Variants in EPSTI1 observed in about 807,000 individuals in gnomAD.
EPSTI1 encodes epithelial-stromal interaction protein 1.
Under a neutral mutation model 49.9 loss-of-function variants are expected in EPSTI1, and 66 were observed. The observed-to-expected ratio is 1.32, with a 90% CI of 1.08 to 1.62. The LOEUF (loss-of-function observed/expected upper bound fraction) is 1.62, where lower values mean the gene tolerates loss of function less well. Among genes scored for constraint, EPSTI1 ranks in the 40% most tolerant of loss-of-function variants. The pLI is 0.00. For synonymous variants in EPSTI1, 137 were observed against 130.7 expected (o/e 1.05, Z -0.33); for missense variants, 394 against 365.5 (o/e 1.08, Z -0.64).
intron 8 of EPSTI1, among the ~76,000 whole-genome samples, chr13:42,908,484 G>GAAAAA (rs140923122): frequency 8.8e-6 from 1 of 113,348 alleles, no homozygotes; most frequent in Non-Finnish European, 1.7e-5. Context: ...ACTCTGTTAT[G>GAAAAA]AAAAAAAAAA....
intron 3 of EPSTI1, among the ~76,000 whole-genome samples, chr13:42,967,564 G>C (rs1385346562): frequency 6.6e-6 from 1 of 152,136 alleles, no homozygotes; most frequent in Admixed American, 6.5e-5. Flanking sequence ...CCATCTAAAG[G>C]GACTTGCCTA....
At chr13:42,980,938 T>A (rs2039976357) in intron 1 of EPSTI1, among the ~76,000 whole-genome samples, 1 of 152,184 alleles carries the variant, frequency 6.6e-6, no homozygotes, top group South Asian at 2.1e-4. Context: ...AATATAAAGA[T>A]TTCTTATAGC....
intron 1 of EPSTI1, among the ~76,000 whole-genome samples, 198 bp from the exon 2 acceptor site, chr13:42,970,868 T>A (rs2039750359): frequency 6.6e-6 from 1 of 152,212 alleles, no homozygotes; most frequent in Non-Finnish European, 1.5e-5. Context: ...ACAAAGGACA[T>A]GGCCAAATAT....
chr13:42,901,832 T>C (rs1365576987), intron 8 of EPSTI1, among the ~76,000 whole-genome samples: 1 of 152,140 alleles, frequency 6.6e-6, no homozygotes, highest in African/African-American at 2.4e-5. Context: ...TAGTTACATA[T>C]GTATACATGT....
intron 9 of EPSTI1, among the ~76,000 whole-genome samples, chr13:42,898,236 A>G (rs535669619): frequency 6.6e-6 from 1 of 152,346 alleles, no homozygotes; most frequent in Admixed American, 6.5e-5. Context: ...TGTCCTTTTG[A>G]TGCCAATAAA....
chr13:42,950,200 T>C (rs1470024861), intron 6 of EPSTI1, among the ~76,000 whole-genome samples: 1 of 152,234 alleles, frequency 6.6e-6, no homozygotes, highest in African/African-American at 2.4e-5. Flanking sequence ...TAATGCACCA[T>C]TAATCTGTTC....
intron 6 of EPSTI1, among the ~76,000 whole-genome samples, chr13:42,949,929 T>C (rs2039045858): frequency 6.6e-6 from 1 of 151,950 alleles, no homozygotes; most frequent in South Asian, 2.1e-4. Flanking sequence ...TTAAACAACC[T>C]AAATCATAAA....
chr13:42,916,315 C>T (rs1386479685), intron 8 of EPSTI1, among the ~76,000 whole-genome samples: 3 of 150,606 alleles, frequency 2.0e-5, no homozygotes, highest in Admixed American at 6.6e-5. Context: ...TTTCATGATT[C>T]GTCTTTCTTA....
intron 1 of EPSTI1, among the ~76,000 whole-genome samples, chr13:42,983,073 C>T (rs2040013836): frequency 1.3e-5 from 2 of 152,260 alleles, no homozygotes; most frequent in African/African-American, 2.4e-5. Context: ...GCTCCTATGT[C>T]CTATAAAACT....
At chr13:42,938,241 A>G (rs972842566) in intron 6 of EPSTI1, among the ~76,000 whole-genome samples, 4 of 152,126 alleles carry the variant, frequency 2.6e-5, no homozygotes, top group African/African-American at 7.2e-5. Flanking sequence ...GAAATATACA[A>G]GGAGATTAGT....
intron 1 of EPSTI1, among the ~76,000 whole-genome samples, chr13:42,980,525 A>G (rs1385348512): frequency 6.6e-6 from 1 of 152,216 alleles, no homozygotes; most frequent in Non-Finnish European, 1.5e-5. Context: ...ACTGCCCTTT[A>G]TAAAACCATC....
At chr13:42,949,843 T>C (rs1349430240) in intron 6 of EPSTI1, among the ~76,000 whole-genome samples, 2 of 152,070 alleles carry the variant, frequency 1.3e-5, no homozygotes, top group East Asian at 1.9e-4. Context: ...ATTGGAAAGA[T>C]GACTACACCC....
At chr13:42,919,228 A>C in intron 7 of EPSTI1, 1 of 1,454,894 alleles carries the variant, frequency 6.9e-7, no homozygotes, top group Non-Finnish European at 9.6e-7. Context: ...AAAGGTCCAC[A>C]GAAACTGGGA....
At chr13:42,969,348 T>C in intron 2 of EPSTI1, 171 bp from the exon 3 acceptor site, 1 of 653,952 alleles carries the variant, frequency 1.5e-6, no homozygotes, top group South Asian at 2.0e-5. Flanking sequence ...GTACAGGTCA[T>C]CCTGGGCCCG....
intron 5 of EPSTI1, among the ~76,000 whole-genome samples, chr13:42,959,204 C>T (rs571549871): frequency 1.5e-4 from 23 of 152,190 alleles, no homozygotes; most frequent in African/African-American, 5.5e-4. Flanking sequence ...GAAAAGCTAT[C>T]AGCCTACACT....
At chr13:42,916,182 C>T (rs1185385775) in intron 8 of EPSTI1, among the ~76,000 whole-genome samples, 2 of 151,626 alleles carry the variant, frequency 1.3e-5, no homozygotes, top group African/African-American at 4.8e-5. Context: ...TTAGCTTCTA[C>T]TTGTTAACTA....
chr13:42,973,887 C>A (rs1347982742), intron 1 of EPSTI1, among the ~76,000 whole-genome samples: 1 of 152,144 alleles, frequency 6.6e-6, no homozygotes, highest in Non-Finnish European at 1.5e-5. Flanking sequence ...TCCTTAATTA[C>A]CTCATTGAAA....
intron 8 of EPSTI1, among the ~76,000 whole-genome samples, chr13:42,909,066 C>A (rs1228158843): frequency 6.6e-6 from 1 of 150,718 alleles, no homozygotes; most frequent in Non-Finnish European, 1.5e-5. Context: ...GCACTCCAGC[C>A]TGGGCAACAA....
intron 8 of EPSTI1, among the ~76,000 whole-genome samples, chr13:42,907,490 A>T (rs2037529184): frequency 6.6e-6 from 1 of 152,176 alleles, no homozygotes; most frequent in Non-Finnish European, 1.5e-5. Context: ...ATAAATGTAT[A>T]CCTTTAGATC....
Sources: allele counts gnomAD v4.1 joint callset (sites outside exome capture counted in the v4.1 genomes callset), GRCh38; gene constraint gnomAD v4.1.1; transcripts MANE v1.5; gene names NCBI Gene and HGNC (gene_info 2026-07-23, HGNC 2026-07-21).